PTH2R: variants seen among roughly 807,000 people sequenced by gnomAD.
PTH2R encodes the protein PTH2 receptor.
Under a neutral mutation model 60.3 loss-of-function variants are expected in PTH2R, and 59 were observed. The ratio of observed to expected loss-of-function variants is 0.98; its 90% CI spans 0.79 to 1.22. PTH2R has a LOEUF of 1.22. Ranked by LOEUF, PTH2R falls within the 50% of genes most tolerant of loss-of-function variation. The probability of loss-of-function intolerance (pLI) is 0.00; values close to 1 mark genes in which losing one functional copy is unlikely to be tolerated. For synonymous variants in PTH2R, 256 were observed against 243.8 expected, an observed-to-expected ratio of 1.05 and a Z score of -0.47; for missense variants, 749 against 682.6, an observed-to-expected ratio of 1.10 and a Z score of -1.08.
chr2:208,488,906 G>C, intron 10 of PTH2R, 106 bp from the exon 11 acceptor site: 1 of 1,167,428 alleles, frequency 8.6e-7, no homozygotes, highest in Non-Finnish European at 1.2e-6. Flanking sequence ...GAAAGTGTCA[G>C]CCCCACCCCC....
At chr2:208,450,504 A>C (rs1292767141) in intron 7 of PTH2R, among the ~76,000 whole-genome samples, 1 of 152,182 alleles carries the variant, frequency 6.6e-6, no homozygotes, top group Admixed American at 6.5e-5. Flanking sequence ...TACACCCCTC[A>C]GATGAAAATT....
chr2:208,449,352 G>C (rs1347871028), intron 7 of PTH2R, among the ~76,000 whole-genome samples: 1 of 151,862 alleles, frequency 6.6e-6, no homozygotes, highest in East Asian at 1.9e-4. Context: ...TAGAAAACAG[G>C]GATATTGTTT....
In PTH2R at chr2:208,489,140, A is replaced by G. The variant is rs1703345330; in HGVS notation, c.1205A>G (p.Asn402Ser). ...EIRMHCELFF[N>S]SFQGFFVSII... Reference sequence around the variant, plus strand: ...CGCATGCACTGTGAGCTCTTCTTCAACTCCTTTCAGGTAAAGGGTGCTGCC... The same window carrying G: ...CGCATGCACTGTGAGCTCTTCTTCAGCTCCTTTCAGGTAAAGGGTGCTGCC... Residue 402 changes from asparagine (N) to serine (S), a missense_variant, in exon 11 of 13, where the codon AAC becomes AGC. Coordinates refer to ENST00000272847, the MANE Select transcript of PTH2R (RefSeq NM_005048.4). 4 of 1,613,174 alleles carry G rather than the reference A, an allele frequency of 2.5e-6. No individual in the cohort carries two copies. Among genetic ancestry groups the G allele is most frequent in the Non-Finnish European group, 3.4e-6 (4 of 1,179,784 alleles).
At chr2:208,435,537 A>T (rs1702057618) in intron 2 of PTH2R, among the ~76,000 whole-genome samples, 1 of 152,158 alleles carries the variant, frequency 6.6e-6, no homozygotes, top group African/African-American at 2.4e-5. Flanking sequence ...AACATGTGAG[A>T]AGGACTCAAC....
intron 9 of PTH2R, among the ~76,000 whole-genome samples, chr2:208,477,227 G>T (rs1337383668): frequency 1.3e-5 from 2 of 152,146 alleles, no homozygotes; most frequent in African/African-American, 4.8e-5. Context: ...AAAGTTTAGT[G>T]AGTGAGACTA....
At chr2:208,438,331 G>T (rs151220014) in intron 4 of PTH2R, among the ~76,000 whole-genome samples, 3 of 152,060 alleles carry the variant, frequency 2.0e-5, no homozygotes, top group African/African-American at 7.2e-5. Context: ...TCTCATTAGC[G>T]TATAAAAGAT....
At chr2:208,439,893 A>G (rs1702148455) in intron 4 of PTH2R, among the ~76,000 whole-genome samples, 1 of 152,234 alleles carries the variant, frequency 6.6e-6, no homozygotes, top group Non-Finnish European at 1.5e-5. Context: ...ATAAGGATTT[A>G]GAATGGGGGA....
chr2:208,428,414 A>T, intron 2 of PTH2R, 111 bp downstream of exon 2: 2 of 732,112 alleles, frequency 2.7e-6, no homozygotes. Flanking sequence ...GTCAATCCAC[A>T]TTTCCATGTG....
intron 10 of PTH2R, 101 bp from the exon 11 acceptor site, chr2:208,488,911 A>G: frequency 2.5e-6 from 3 of 1,211,604 alleles, no homozygotes; most frequent in Non-Finnish European, 3.5e-6. Context: ...TGTCAGCCCC[A>G]CCCCCATTAG....
chr2:208,449,416 T>G (rs1171666905), intron 7 of PTH2R, among the ~76,000 whole-genome samples: 1 of 147,004 alleles, frequency 6.8e-6, no homozygotes, highest in Non-Finnish European at 1.5e-5. Flanking sequence ...AAATAGACAA[T>G]AAATGATTAA....
intron 1 of PTH2R, among the ~76,000 whole-genome samples, chr2:208,380,225 G>C (rs940340755): frequency 4.6e-5 from 7 of 152,202 alleles, no homozygotes; most frequent in African/African-American, 1.7e-4. Flanking sequence ...TTGTCATATT[G>C]AATAGGAACT....
exon 1 of PTH2R, chr2:208,359,976 C>T (rs563000260): frequency 1.2e-4 from 33 of 279,250 alleles, no homozygotes; most frequent in African/African-American, 7.1e-4. Context: ...GCGGGAGGAG[C>T]GGATGGGGCT....
At chr2:208,388,132 A>ACCC (rs55810977) in intron 1 of PTH2R, among the ~76,000 whole-genome samples, 18,037 of 130,522 alleles carry the variant, frequency 0.14, 1,980 homozygotes, top group Non-Finnish European at 0.18. Context: ...ACATGGTGAA[A>ACCC]CCCCCCCCCC....
At chr2:208,425,106 C>G (rs751684090) in intron 1 of PTH2R, among the ~76,000 whole-genome samples, 3 of 152,018 alleles carry the variant, frequency 2.0e-5, no homozygotes, top group African/African-American at 7.2e-5. Context: ...AGCTGCAAAT[C>G]AAAATCAAGC....
chr2:208,365,805 C>CAT (rs1284081317), intron 1 of PTH2R, among the ~76,000 whole-genome samples: 2 of 143,154 alleles, frequency 1.4e-5, no homozygotes, highest in Admixed American at 7.1e-5. Flanking sequence ...GCGGCACAAT[C>CAT]ATAGCTCACT....
chr2:208,414,940 A>G (rs1440116936), intron 1 of PTH2R, among the ~76,000 whole-genome samples: 5 of 152,148 alleles, frequency 3.3e-5, no homozygotes, highest in East Asian at 1.9e-4. Context: ...ATGTCTGACT[A>G]GTGTTTCTCA....
At chr2:208,389,154 A>G (rs78907274) in intron 1 of PTH2R, among the ~76,000 whole-genome samples, 7,904 of 152,162 alleles carry the variant, frequency 0.052, 281 homozygotes, top group Non-Finnish European at 0.073. Context: ...TTCTAACAAC[A>G]TATTTTCCAT....
At chr2:208,478,395 A>T (rs2105903014) in intron 9 of PTH2R, among the ~76,000 whole-genome samples, 1 of 151,344 alleles carries the variant, frequency 6.6e-6, no homozygotes, top group Admixed American at 6.6e-5. Flanking sequence ...CAGCTTCTAG[A>T]GGCCACTGGC....
At chr2:208,462,236 T>C (rs1489620144) in intron 9 of PTH2R, among the ~76,000 whole-genome samples, 1 of 152,084 alleles carries the variant, frequency 6.6e-6, no homozygotes, top group Non-Finnish European at 1.5e-5. Context: ...TAATCAATAA[T>C]TTAGAGAAGG....
Sources: gnomAD v4.1 joint callset for allele counts (sites outside exome capture counted in the v4.1 genomes callset) on GRCh38, gnomAD v4.1.1 for gene constraint, MANE v1.5 for transcripts, NCBI Gene and HGNC (gene_info 2026-07-23, HGNC 2026-07-21) for gene names.